The following HSD17B2 variants were observed in gnomAD, a reference collection of about 807,000 sequenced individuals.
The protein encoded by HSD17B2 is 17-beta-hydroxysteroid dehydrogenase type 2.
Under a neutral mutation model 26.9 loss-of-function variants are expected in HSD17B2, and 32 were observed. That is an observed-to-expected ratio of 1.19 (90% CI 0.90 to 1.60). The LOEUF (loss-of-function observed/expected upper bound fraction) is 1.60, where lower values mean the gene tolerates loss of function less well. HSD17B2 is among the 40% of genes most tolerant of loss of function. The probability of loss-of-function intolerance (pLI) is 0.00; values close to 1 mark genes in which losing one functional copy is unlikely to be tolerated. For synonymous variants in HSD17B2, 246 were observed against 186.7 expected, an observed-to-expected ratio of 1.32 and a Z score of -2.59; for missense variants, 613 against 468.6, an observed-to-expected ratio of 1.31 and a Z score of -2.85.
At chr16:82,079,452 T>A (rs1904327089) in intron 3 of HSD17B2, among the ~76,000 whole-genome samples, 1 of 152,188 alleles carries the variant, frequency 6.6e-6, no homozygotes, top group African/African-American at 2.4e-5. Context: ...CTCTTCCTCT[T>A]CTTATAAGAA....
chr16:82,077,735 G>T (rs139983332), intron 3 of HSD17B2, among the ~76,000 whole-genome samples: 282 of 142,660 alleles, frequency 2.0e-3, no homozygotes, highest in African/African-American at 7.0e-3. Context: ...TGTTTCAAAA[G>T]AAAGAAAGAA....
chr16:82,046,860 A>C (rs1173476208), intron 1 of HSD17B2, among the ~76,000 whole-genome samples: 1 of 152,206 alleles, frequency 6.6e-6, no homozygotes, highest in East Asian at 1.9e-4. Context: ...ACTAAGGCCA[A>C]GTGACAAATA....
rs1904915756 is a variant in HSD17B2, at chr16:82,098,277, TG to T, written c.1006del (p.Ala336ProfsTer42). 1 of 1,614,222 alleles carries T rather than the reference TG, an allele frequency of 6.2e-7. No individual in the cohort carries two copies. Among genetic ancestry groups the T allele is most frequent in the East Asian group, 2.2e-5 (1 of 44,876 alleles). ...ATGCTATCTTGGCGAAGAGCCCTTT[TG>T]CCTATTACACGCCAGGGAAAGGCGC... ...QHAILAKSPFAYYTPGKGAYL... is the reference protein window; with the variant it reads ...QHAILAKSPFXYYTPGKGAYL... On this transcript the variant is annotated frameshift_variant, in exon 5 of 5. Transcript: ENST00000199936. LOFTEE classifies it low-confidence loss of function (END_TRUNC).
At chr16:82,073,246 A>T (rs1313921665) in intron 3 of HSD17B2, among the ~76,000 whole-genome samples, 1 of 150,896 alleles carries the variant, frequency 6.6e-6, no homozygotes, top group Non-Finnish European at 1.5e-5. Context: ...TTTTTTTGAG[A>T]TGGAGTCTCA....
At chr16:82,090,421 C>T (rs550886198) in intron 3 of HSD17B2, among the ~76,000 whole-genome samples, 31 of 140,184 alleles carry the variant, frequency 2.2e-4, no homozygotes, top group South Asian at 7.0e-4. Context: ...GGGGTCCAAG[C>T]GATTCTTACG....
intron 1 of HSD17B2, among the ~76,000 whole-genome samples, chr16:82,046,783 T>C (rs1044883793): frequency 6.6e-6 from 1 of 152,182 alleles, no homozygotes; most frequent in African/African-American, 2.4e-5. Flanking sequence ...CAGATACTGA[T>C]GAAATGGTTT....
intron 1 of HSD17B2, among the ~76,000 whole-genome samples, chr16:82,051,928 A>G (rs1914120328): frequency 6.6e-6 from 1 of 152,158 alleles, no homozygotes. Flanking sequence ...CCCAGACCCC[A>G]CGGGCTTTGG....
intron 4 of HSD17B2, 127 bp downstream of exon 4, chr16:82,091,166 T>A: frequency 2.1e-6 from 2 of 960,808 alleles, no homozygotes; most frequent in Non-Finnish European, 3.4e-6. Context: ...AGAGATCAGT[T>A]AAAGGGGTGA....
chr16:82,096,201 T>A (rs1412195240), intron 4 of HSD17B2: 1 of 152,186 alleles, frequency 6.6e-6, no homozygotes, highest in Non-Finnish European at 1.5e-5. Context: ...ATTAAGTAGA[T>A]TAAATATTTA....
intron 1 of HSD17B2, among the ~76,000 whole-genome samples, chr16:82,060,848 G>A (rs1424376615): frequency 1.3e-5 from 2 of 152,188 alleles, no homozygotes; most frequent in South Asian, 2.1e-4. Flanking sequence ...CTGATTCATC[G>A]CTGTGGCTAG....
intron 3 of HSD17B2, among the ~76,000 whole-genome samples, chr16:82,077,502 G>T (rs1364891033): frequency 6.6e-6 from 1 of 152,178 alleles, no homozygotes; most frequent in Non-Finnish European, 1.5e-5. Flanking sequence ...GGGAGGTCAG[G>T]TGGATTGCTT....
intron 4 of HSD17B2, chr16:82,096,430 G>T (rs983987134): frequency 6.6e-6 from 1 of 151,830 alleles, no homozygotes; most frequent in South Asian, 2.1e-4. Context: ...CACCATGTTG[G>T]CTAGGCTGGT....
At chr16:82,077,652 C>A (rs184484463) in intron 3 of HSD17B2, among the ~76,000 whole-genome samples, 1 of 151,954 alleles carries the variant, frequency 6.6e-6, no homozygotes, top group East Asian at 1.9e-4. Flanking sequence ...ATCACTTGAG[C>A]TCAGGGAGAT....
chr16:82,041,163 C>T lies in HSD17B2; in HGVS notation c.265+5474C>T, dbSNP rs569691330. Among the ~76,000 whole-genome samples the T allele has an allele frequency of 5.1e-4, 78 of 152,264 alleles. 1 individual carries two copies. The highest frequency in any genetic ancestry group is 1.7e-3 in the African/African-American group (70 of 41,552). On this transcript the variant is annotated intron_variant, in intron 1 of 4. Transcript: ENST00000199936. ...AAATCCATGCCAACTATACTGCAAG[C>T]GGCTTGAAGGCAGGAACCAGGTCTC... is the stretch of plus-strand genomic sequence containing the variant.
At chr16:82,045,524 T>G (rs577094808) in intron 1 of HSD17B2, among the ~76,000 whole-genome samples, 1 of 152,224 alleles carries the variant, frequency 6.6e-6, no homozygotes, top group Non-Finnish European at 1.5e-5. Flanking sequence ...TTTTTACCTA[T>G]TTTCTATCTT....
In HSD17B2 at chr16:82,091,228, A is replaced by C. The variant is rs369495399; in HGVS notation, c.802+189A>C. 3.4e-5 allele frequency: 23 copies of C among 684,336 alleles called. No individual in the cohort carries two copies. The Middle Eastern group carries it at 7.4e-4, about 22-fold the overall frequency. 42.4% of individuals were successfully genotyped at this position (684,336 alleles called of 1,614,324 possible). A position where few individuals can be genotyped will look rare whatever the true frequency, so the allele number is the denominator to read the frequency against. The stretch of plus-strand genomic sequence containing the variant: ...ACAGTAGGGGAAAGAGCTAAGCTCC[A>C]TTCTGATTTGTGCGAAGGTGTTTTA... On this transcript the variant is annotated intron_variant, in intron 4 of 4. Transcript: ENST00000199936.
intron 3 of HSD17B2, among the ~76,000 whole-genome samples, chr16:82,075,580 A>G (rs1395870015): frequency 2.6e-5 from 4 of 152,166 alleles, no homozygotes; most frequent in African/African-American, 9.7e-5. Flanking sequence ...AGAGGCTACT[A>G]TGAGTAACTA....
At chr16:82,037,088 A>G (rs1251049652) in intron 1 of HSD17B2, among the ~76,000 whole-genome samples, 1 of 152,226 alleles carries the variant, frequency 6.6e-6, no homozygotes, top group Non-Finnish European at 1.5e-5. Context: ...AGCCCACATC[A>G]GCCACTGAAA....
At chr16:82,084,554 ATTATTTTTT>A (rs1345930161) in intron 3 of HSD17B2, among the ~76,000 whole-genome samples, 2 of 136,834 alleles carry the variant, frequency 1.5e-5, no homozygotes, top group African/African-American at 2.5e-5. Context: ...TCTTTTTATT[ATTATTTTTT>A]TTATTTTTTT....
Sources: gnomAD v4.1 joint callset for allele counts (sites outside exome capture counted in the v4.1 genomes callset) on GRCh38, gnomAD v4.1.1 for gene constraint, MANE v1.5 for transcripts, NCBI Gene and HGNC (gene_info 2026-07-23, HGNC 2026-07-21) for gene names.